The following SIPA1L1 variants were observed in gnomAD, a reference collection of about 807,000 sequenced individuals.
The protein encoded by SIPA1L1 is signal induced proliferation associated 1 like 1.
SIPA1L1 carries 26 observed loss-of-function variants against 162.7 expected under a neutral mutation model. The ratio of observed to expected loss-of-function variants is 0.16; its 90% CI spans 0.12 to 0.22. SIPA1L1 has a LOEUF of 0.22. Ranked by LOEUF, SIPA1L1 falls within the 10% of genes least tolerant of loss-of-function variation. The pLI is 1.00. For synonymous variants in SIPA1L1, 829 were observed against 837.4 expected (o/e 0.99, Z 0.17); for missense variants, 1,874 against 2,241.0 (o/e 0.84, Z 3.31).
At chr14:71,609,691 T>C (rs2037969897) in intron 5 of SIPA1L1, among the ~76,000 whole-genome samples, 1 of 152,038 alleles carries the variant, frequency 6.6e-6, no homozygotes, top group South Asian at 2.1e-4. Flanking sequence ...GGTCTGCAAC[T>C]CCTGACCTCA....
chr14:71,672,583 T>C lies in SIPA1L1; in HGVS notation c.3065T>C (p.Val1022Ala), dbSNP rs2044639915. 6.2e-7 allele frequency: 1 copy of C among 1,614,132 alleles called. No individual in the cohort carries two copies. The highest frequency in any genetic ancestry group is 8.5e-7 in the Non-Finnish European group (1 of 1,179,994). ...CTGAGAACATCTGTCACGGTGAAGG[T>C]TGTCATCATTCCCCCGCATGATGAC... ...DLLRTSVTVKVVIIPPHDDCT... is the reference protein window; with the variant it reads ...DLLRTSVTVKAVIIPPHDDCT... The change falls in exon 12 of 24, where the codon GTT (valine) becomes GCT (alanine). Residue 1022 changes from valine (V) to alanine (A), a missense_variant. Coordinates refer to ENST00000381232, the MANE Select transcript of SIPA1L1 (RefSeq NM_001386936.1).
intron 4 of SIPA1L1, among the ~76,000 whole-genome samples, chr14:71,577,068 G>GC (rs2033148218): frequency 3.1e-5 from 2 of 64,422 alleles, no homozygotes; most frequent in Non-Finnish European, 6.4e-5. Context: ...GGGTGACAGA[G>GC]CAAAAAAAAA....
chr14:71,371,340 G>A (rs2038871706), intron 2 of SIPA1L1, among the ~76,000 whole-genome samples: 1 of 152,102 alleles, frequency 6.6e-6, no homozygotes, highest in Non-Finnish European at 1.5e-5. Context: ...GATTAAAATG[G>A]TCTGTCTCTA....
At chr14:71,450,539 T>C (rs892753903) in intron 2 of SIPA1L1, among the ~76,000 whole-genome samples, 22 of 152,358 alleles carry the variant, frequency 1.4e-4, no homozygotes, top group Middle Eastern at 6.8e-3. Context: ...AGACTTTTAA[T>C]TTATGGCTCT....
chr14:71,394,793 T>G (rs1423730918), intron 2 of SIPA1L1, among the ~76,000 whole-genome samples: 1 of 152,246 alleles, frequency 6.6e-6, no homozygotes, highest in Non-Finnish European at 1.5e-5. Flanking sequence ...TAAGGTGACC[T>G]GCTACTGACT....
chr14:71,660,952 A>G (rs555491078), intron 9 of SIPA1L1, among the ~76,000 whole-genome samples: 1 of 152,324 alleles, frequency 6.6e-6, no homozygotes, highest in East Asian at 1.9e-4. Context: ...TATTTCAGCC[A>G]TTCTCATCTC....
At chr14:71,628,778 G>A (rs1338430663) in intron 7 of SIPA1L1, among the ~76,000 whole-genome samples, 1 of 152,158 alleles carries the variant, frequency 6.6e-6, no homozygotes, top group African/African-American at 2.4e-5. Context: ...GCCTTGGAGG[G>A]GAAGAAGATT....
chr14:71,398,887 A>T (rs533188411), intron 2 of SIPA1L1, among the ~76,000 whole-genome samples: 3 of 152,338 alleles, frequency 2.0e-5, no homozygotes, highest in Admixed American at 2.0e-4. Context: ...TGATCTTTGG[A>T]GCTCCACAGC....
chr14:71,362,174 G>T (rs2037874615), intron 2 of SIPA1L1, among the ~76,000 whole-genome samples: 1 of 152,190 alleles, frequency 6.6e-6, no homozygotes, highest in Non-Finnish European at 1.5e-5. Flanking sequence ...CTTGAGAGAT[G>T]AGTTTGCTGT....
intron 2 of SIPA1L1, among the ~76,000 whole-genome samples, chr14:71,452,174 C>T (rs546744071): frequency 4.4e-4 from 67 of 152,072 alleles, no homozygotes; most frequent in African/African-American, 1.2e-3. Context: ...AAACCCCCCC[C>T]TCATGTTCTC....
chr14:71,566,008 A>G (rs2030462679), intron 4 of SIPA1L1, among the ~76,000 whole-genome samples: 1 of 152,124 alleles, frequency 6.6e-6, no homozygotes, highest in Non-Finnish European at 1.5e-5. Flanking sequence ...ACAACAAAAG[A>G]AAAACATTGT....
At chr14:71,641,309 T>C (rs529389480) in intron 7 of SIPA1L1, among the ~76,000 whole-genome samples, 4 of 146,052 alleles carry the variant, frequency 2.7e-5, no homozygotes, top group African/African-American at 1.0e-4. Flanking sequence ...AAATATAGGC[T>C]CATAGTAAAA....
chr14:71,464,616 G>C (rs1307697547), intron 2 of SIPA1L1, among the ~76,000 whole-genome samples: 1 of 152,010 alleles, frequency 6.6e-6, no homozygotes, highest in Non-Finnish European at 1.5e-5. Context: ...ACTCCAGCCT[G>C]GGTGACAGAG....
chr14:71,431,377 A>T lies in SIPA1L1; in HGVS notation c.-464-81366A>T, dbSNP rs1472157361. On this transcript the variant is annotated intron_variant, in intron 2 of 23. Coordinates refer to ENST00000381232, the MANE Select transcript of SIPA1L1 (RefSeq NM_001386936.1). ...AAAGATAACTCACAGAAGTAGTTATATGTGGACTTAACTAGTACATAAAAG... is the reference window on the plus strand; with the variant it reads ...AAAGATAACTCACAGAAGTAGTTATTTGTGGACTTAACTAGTACATAAAAG... 2.0e-5 allele frequency among the ~76,000 whole-genome samples: 3 copies of T among 152,188 alleles called. No homozygotes were observed. The East Asian group carries it at 5.8e-4, about 29-fold the overall frequency.
chr14:71,717,350 A>C (rs1020197171), intron 17 of SIPA1L1, among the ~76,000 whole-genome samples: 1 of 152,238 alleles, frequency 6.6e-6, no homozygotes, highest in Non-Finnish European at 1.5e-5. Context: ...TAGTTTCTTC[A>C]TGTAGAATTT....
In SIPA1L1 at chr14:71,693,335, C is replaced by T. The variant is rs1014643808; in HGVS notation, c.3375-5646C>T. Among the ~76,000 whole-genome samples the T allele has an allele frequency of 2.0e-5, 3 of 152,226 alleles. No individual in the cohort carries two copies. In the South Asian group the frequency reaches 6.2e-4, roughly 32 times the overall value. ...GGCCAACATGGCGAAAGCCTGTCTA[C>T]TAAAAACACAATAATTAGCTGGGTG... On this transcript the variant is annotated intron_variant, in intron 13 of 23. Coordinates refer to ENST00000381232, the MANE Select transcript of SIPA1L1 (RefSeq NM_001386936.1).
chr14:71,362,126 C>G (rs1310757243), intron 2 of SIPA1L1, among the ~76,000 whole-genome samples: 4 of 152,154 alleles, frequency 2.6e-5, no homozygotes, highest in Admixed American at 2.6e-4. Context: ...CTGCTGTGTT[C>G]AAGGAGCCGG....
At chr14:71,385,976 G>A (rs1258136136) in intron 2 of SIPA1L1, among the ~76,000 whole-genome samples, 2 of 152,138 alleles carry the variant, frequency 1.3e-5, no homozygotes, top group African/African-American at 4.8e-5. Flanking sequence ...GTGTGCCATC[G>A]CACCTGGCCT....
rs58429457 is a variant in SIPA1L1 at position 71,633,110 on chromosome 14, TTGTTA to T, written c.1818+8919_1818+8923del. On this transcript the variant is annotated intron_variant, in intron 7 of 23. Coordinates refer to ENST00000381232, the MANE Select transcript of SIPA1L1 (RefSeq NM_001386936.1). ...TTTCAATGAGCAATTACAAGCATGATTGTTATGTTATGTTATGTTATGTTATGTTA... is the reference window on the plus strand; with the variant it reads ...TTTCAATGAGCAATTACAAGCATGATTGTTATGTTATGTTATGTTATGTTA... Among the ~76,000 whole-genome samples the T allele has an allele frequency of 9.0e-3, 1,240 of 137,436 alleles. 10 individuals carry two copies. Among genetic ancestry groups the T allele is most frequent in the Middle Eastern group, 0.039 (11 of 282 alleles). 90.2% of individuals were successfully genotyped at this position (137,436 alleles called of 152,430 possible).
Sources: allele counts gnomAD v4.1 joint callset (sites outside exome capture counted in the v4.1 genomes callset), GRCh38; gene constraint gnomAD v4.1.1; transcripts MANE v1.5; gene names NCBI Gene and HGNC (gene_info 2026-07-23, HGNC 2026-07-21).